The following TEP1 variants were observed in gnomAD, a reference collection of about 807,000 sequenced individuals.
The protein encoded by TEP1 is telomerase protein component 1.
TEP1 carries 241 observed loss-of-function variants against 306.3 expected under a neutral mutation model. The ratio of observed to expected loss-of-function variants is 0.79; its 90% CI spans 0.71 to 0.88. The LOEUF is 0.88. TEP1 is among the 40% of genes least tolerant of loss of function. The pLI is 0.00. For synonymous variants in TEP1, 1,289 were observed against 1,305.5 expected (o/e 0.99, Z 0.27); for missense variants, 3,051 against 3,276.1 (o/e 0.93, Z 1.68).
intron 15 of TEP1, 32 bp from the exon 16 acceptor site, chr14:20,389,772 A>G: frequency 6.2e-7 from 1 of 1,612,856 alleles, no homozygotes; most frequent in Non-Finnish European, 8.5e-7. Context: ...GATGCTAGAG[A>G]AGGGATGCTA....
At chr14:20,400,662 T>G in intron 9 of TEP1, 1 of 255,216 alleles carries the variant, frequency 3.9e-6, no homozygotes, top group Non-Finnish European at 7.7e-6. Flanking sequence ...ATATGCCATG[T>G]GCCAGTCCTA....
chr14:20,409,927 C>T lies in TEP1; in HGVS notation c.-24-1464G>A, dbSNP rs992909540. Among the ~76,000 whole-genome samples the T allele has an allele frequency of 1.4e-5, 2 of 146,504 alleles. 1 individual carries two copies. Among genetic ancestry groups the T allele is most frequent in the African/African-American group, 5.0e-5 (2 of 39,650 alleles). On this transcript the variant is annotated intron_variant, in intron 1 of 54. Coordinates refer to ENST00000262715, the MANE Select transcript of TEP1 (RefSeq NM_007110.5). The stretch of plus-strand genomic sequence containing the variant: ...GTCCCAGCTACTCGGGAGGCTGAGG[C>T]AGGAGAATGGCGTGAACCAGGGAGG...
In TEP1 at chr14:20,382,636, G is replaced by A. The variant is rs771410997; in HGVS notation, c.4127C>T (p.Thr1376Met). Residue 1376 changes from threonine to methionine, a missense_variant, in exon 28 of 55, where the codon ACG becomes ATG. By Grantham distance (81) the Thr-to-Met change is moderately conservative. This residue lies in a region of TEP1 where 1,540 missense variants were observed against 1,705.9 expected (regional missense o/e 0.90). Transcript: ENST00000262715. ...ATGAGAACTGACCTGCTCATACAGC[G>A]TGAAGAGCCTCAGGTGATCGGTGAC... is the stretch of plus-strand genomic sequence containing the variant. ...RLVTDHLRLF[T>M]LYEQVSERLR... The A allele has an allele frequency of 3.0e-5, 49 of 1,613,948 alleles. No homozygotes were observed. Among genetic ancestry groups the A allele is most frequent in the Admixed American group, 1.5e-4 (9 of 59,996 alleles).
Position 20,366,321 on chromosome 14 carries a change from T to G in TEP1, c.*2116A>C, listed in dbSNP as rs976857031. The G allele has an allele frequency of 6.6e-6, 1 of 152,234 alleles. No individual in the cohort carries two copies. The highest frequency in any genetic ancestry group is 2.4e-5 in the African/African-American group (1 of 41,458). 9.4% of individuals were successfully genotyped at this position (152,234 alleles called of 1,614,324 possible). Reference sequence around the variant, plus strand: ...GACAAATAGAGCTTCCTCCTGCAATTGGCCCAAGATTTTAGGGGAGCAAAA... The same window carrying G: ...GACAAATAGAGCTTCCTCCTGCAATGGGCCCAAGATTTTAGGGGAGCAAAA... On this transcript the variant is annotated 3_prime_UTR_variant, in exon 55 of 55. Transcript: ENST00000262715.
chr14:20,374,161 G>A (rs1472414430), intron 44 of TEP1, among the ~76,000 whole-genome samples: 1 of 151,150 alleles, frequency 6.6e-6, no homozygotes, highest in Non-Finnish European at 1.5e-5. Flanking sequence ...TTTGATCATA[G>A]CTCACTGTAG....
chr14:20,412,604 G>A (rs1879757324), intron 1 of TEP1, among the ~76,000 whole-genome samples: 1 of 150,714 alleles, frequency 6.6e-6, no homozygotes, highest in Non-Finnish European at 1.5e-5. Context: ...AGGATCATAA[G>A]TTAGATGCTA....
rs765154726 is a variant in TEP1 at position 20,380,265 on chromosome 14, T to C, written c.4973A>G (p.Asn1658Ser). ...WHLQHTLRWL[N>S]KPRTMKNQQS... ...CTGATTTTTCATGGTCCGGGGTTTA[T>C]TAAGCCATCGTAGTGTGTGTTGGAG... is the stretch of plus-strand genomic sequence containing the variant. The change falls in exon 34 of 55, where the codon AAT (asparagine) becomes AGT (serine). Residue 1658 changes from asparagine to serine, a missense_variant. Asn to Ser is a conservative substitution (Grantham distance 46). This residue lies in a region of TEP1 where 1,540 missense variants were observed against 1,705.9 expected (regional missense o/e 0.90). Coordinates refer to ENST00000262715, the MANE Select transcript of TEP1 (RefSeq NM_007110.5). 2.8e-5 allele frequency: 45 copies of C among 1,614,058 alleles called. No individual in the cohort carries two copies. The highest frequency in any genetic ancestry group is 3.3e-5 in the Admixed American group (2 of 59,994).
At chr14:20,406,530 C>T (rs1879190390) in intron 2 of TEP1, 130 bp from the exon 3 acceptor site, 2 of 905,164 alleles carry the variant, frequency 2.2e-6, no homozygotes, top group Admixed American at 4.1e-5. Context: ...AATGTTCTCT[C>T]CCTTCACACA....
At chr14:20,371,667 C>T (rs1884850950) in intron 49 of TEP1, 35 bp from the exon 50 acceptor site, 16 of 1,531,440 alleles carry the variant, frequency 1.0e-5, no homozygotes, top group Non-Finnish European at 1.3e-5. Flanking sequence ...GAGAAAGATC[C>T]TATTTTAGTT....
At position 20,381,789 on chromosome 14, in the gene TEP1, G is replaced by C. The variant is rs1283926552; in HGVS notation, c.4425-103C>G. On this transcript the variant is annotated intron_variant, in intron 30 of 54. Transcript: ENST00000262715. This position sits in a 1 kb window ranked among gnomAD's most constrained non-coding sequence, Gnocchi z 4.0. ...TTCCCCCCTCAAATAGCGGAAACTG[G>C]AGCAGCTGGAGCAGTAGCTCATTCA... is the stretch of plus-strand genomic sequence containing the variant. 4 of 1,530,856 alleles carry C rather than the reference G, an allele frequency of 2.6e-6. No individual in the cohort carries two copies. Among genetic ancestry groups the C allele is most frequent in the Non-Finnish European group, 3.5e-6 (4 of 1,142,244 alleles). 94.8% of individuals were successfully genotyped at this position (1,530,856 alleles called of 1,614,324 possible).
At chr14:20,401,433 C>A (rs779977845) in intron 8 of TEP1, 24 bp downstream of exon 8, 1 of 1,611,962 alleles carries the variant, frequency 6.2e-7, no homozygotes, top group South Asian at 1.1e-5. Flanking sequence ...AGATGGAATG[C>A]ATGCTCAGGG....
chr14:20,397,346 CA>C (rs1409423177), intron 9 of TEP1, among the ~76,000 whole-genome samples: 1 of 151,932 alleles, frequency 6.6e-6, no homozygotes, highest in Non-Finnish European at 1.5e-5. Context: ...CCCGTCTCTA[CA>C]AAAATACAAA....
At position 20,378,179 on chromosome 14, in the gene TEP1, C is replaced by A. The variant is rs1263065543; in HGVS notation, c.5566G>T (p.Val1856Phe). 1.2e-6 allele frequency: 2 copies of A among 1,613,304 alleles called. No homozygotes were observed. Among genetic ancestry groups the A allele is most frequent in the Non-Finnish European group, 1.7e-6 (2 of 1,179,980 alleles). Residue 1856 changes from valine to phenylalanine, a missense_variant, in exon 39 of 55, where the codon GTT (valine) becomes TTT (phenylalanine). Transcript: ENST00000262715. ...RTLAFNVPGGVVAVGRLDSMV... is the reference protein window; with the variant it reads ...RTLAFNVPGGFVAVGRLDSMV... ...CTGTCCAGCCGGCCCACAGCCACAA[C>A]CCCCCCAGGCACATTGAAGGCCAAG...
chr14:20,404,447 C>T (rs1334912322), intron 5 of TEP1, among the ~76,000 whole-genome samples, 164 bp downstream of exon 5: 1 of 151,292 alleles, frequency 6.6e-6, no homozygotes, highest in Non-Finnish European at 1.5e-5. Context: ...ATTCTCCATG[C>T]TGGACAACCC....
chr14:20,381,288 G>A lies in TEP1; in HGVS notation c.4647+25C>T, dbSNP rs914470139. On this transcript the variant is annotated intron_variant, in intron 32 of 54. Transcript: ENST00000262715. This position sits in a 1 kb window ranked among gnomAD's most constrained non-coding sequence, Gnocchi z 4.0. ...AACCAAAGCACTCACTTTGGGAAAG[G>A]TGTCTATGGGGTCTAGGAACTAACC... 1 of 1,611,356 alleles carries A rather than the reference G, an allele frequency of 6.2e-7. No individual in the cohort carries two copies. The highest frequency in any genetic ancestry group is 8.5e-7 in the Non-Finnish European group (1 of 1,177,386).
chr14:20,396,669 T>G lies in TEP1; in HGVS notation c.1611A>C (p.Gly537=), dbSNP rs776382470. 1.2e-6 allele frequency: 2 copies of G among 1,612,038 alleles called. No individual in the cohort carries two copies. The highest frequency in any genetic ancestry group is 2.7e-5 in the African/African-American group (2 of 74,878). Residue 537 remains glycine (G), a synonymous_variant, in exon 10 of 55, where the codon GGA becomes GGC. Transcript: ENST00000262715. ...TGAGCTCATGGTGGCGGGAACTGAT[T>G]CCAACCCGCAGCAGGTTGCACAGGT... ...LRNLCNLLRV[G]ISSRHHELIL...
intron 35 of TEP1, 45 bp from the exon 36 acceptor site, chr14:20,379,150 C>G (rs1885382255): frequency 6.2e-7 from 1 of 1,603,248 alleles, no homozygotes. Context: ...ATCCCCTTGA[C>G]CCTCCAAGTC....
intron 12 of TEP1, among the ~76,000 whole-genome samples, chr14:20,392,356 C>T (rs1877800890): frequency 6.6e-6 from 1 of 152,210 alleles, no homozygotes; most frequent in African/African-American, 2.4e-5. Context: ...GCTATTACTA[C>T]CTAGAAGTGC....
At chr14:20,400,497 CAAAAAAAA>C (rs71108598) in intron 9 of TEP1, among the ~76,000 whole-genome samples, 6 of 85,488 alleles carry the variant, frequency 7.0e-5, no homozygotes, top group South Asian at 1.1e-3. Context: ...AAAAGTAGAC[CAAAAAAAA>C]AAAAAAAAAA....
Sources: gnomAD v4.1 joint callset for allele counts (sites outside exome capture counted in the v4.1 genomes callset) on GRCh38, gnomAD v4.1.1 for gene constraint, gnomAD v4.1.1 regional missense constraint, Gnocchi (gnomAD v3.1) non-coding constraint, MANE v1.5 for transcripts, NCBI Gene and HGNC (gene_info 2026-07-23, HGNC 2026-07-21) for gene names.